Variants in PCDHGA1 observed in about 807,000 individuals in gnomAD.
PCDHGA1 encodes protocadherin gamma subfamily A, 1.
PCDHGA1 carries 32 observed loss-of-function variants against 58.0 expected under a neutral mutation model. That is an observed-to-expected ratio of 0.55 (90% CI 0.42 to 0.74). The LOEUF is 0.74. PCDHGA1 is among the 30% of genes least tolerant of loss of function. The pLI, the probability that PCDHGA1 is intolerant of heterozygous loss-of-function variation, is 0.00. For synonymous variants in PCDHGA1, 498 were observed against 501.1 expected, an observed-to-expected ratio of 0.99 and a Z score of 0.08; for missense variants, 1,205 against 1,182.3, an observed-to-expected ratio of 1.02 and a Z score of -0.28.
At chr5:141,393,569 T>C (rs1227543853) in intron 1 of PCDHGA1, 1 of 1,613,918 alleles carries the variant, frequency 6.2e-7, no homozygotes, top group South Asian at 1.1e-5. Context: ...TGAAAGTCCT[T>C]GAGAACATGC....
intron 1 of PCDHGA1, chr5:141,344,094 G>C (rs1253860852): frequency 6.2e-7 from 1 of 1,613,658 alleles, no homozygotes; most frequent in African/African-American, 1.3e-5. Flanking sequence ...CGCGCTCCTG[G>C]GGACGCTGTG....
chr5:141,345,891 G>A (rs949105791), intron 1 of PCDHGA1: 1 of 1,613,176 alleles, frequency 6.2e-7, no homozygotes, highest in Non-Finnish European at 8.5e-7. Flanking sequence ...CTTCTCGGTG[G>A]GTCTGCACAC....
intron 1 of PCDHGA1, chr5:141,405,312 A>G: frequency 1.2e-6 from 2 of 1,614,208 alleles, no homozygotes; most frequent in Non-Finnish European, 8.5e-7. Context: ...AGCTGTGAGA[A>G]AAATGAGCCT....
rs55729045 is a variant in PCDHGA1 at position 141,395,542 on chromosome 5, TTGTGTGTGTGTGTGTG to T, written c.2421+62471_2421+62486del. 64 of 172,628 alleles carry T rather than the reference TTGTGTGTGTGTGTGTG, an allele frequency of 3.7e-4. 1 individual carries two copies. Among genetic ancestry groups the T allele is most frequent in the South Asian group, 2.0e-3 (23 of 11,528 alleles). The allele number at this position is 172,628 out of a possible 1,614,324, so 10.7% of individuals were successfully genotyped here. A position where few individuals can be genotyped will look rare whatever the true frequency, so the allele number is the denominator to read the frequency against. ...TCCATACTGGTAATTTTGCTATTGT[TTGTGTGTGTGTGTGTG>T]TGTGTGTGTGTGTGTGTGTGTGTGT... On this transcript the variant is annotated intron_variant, in intron 1 of 3. Coordinates refer to ENST00000517417, the MANE Select transcript of PCDHGA1 (RefSeq NM_018912.3).
chr5:141,402,842 A>G, intron 1 of PCDHGA1: 1 of 1,396,816 alleles, frequency 7.2e-7, no homozygotes, highest in Non-Finnish European at 9.4e-7. Flanking sequence ...AGCAAAACTC[A>G]GCCTCTTTCT....
chr5:141,461,510 G>T (rs2099016853), intron 1 of PCDHGA1, among the ~76,000 whole-genome samples: 1 of 152,014 alleles, frequency 6.6e-6, no homozygotes, highest in Non-Finnish European at 1.5e-5. Context: ...TTGGTGATTT[G>T]TTAGTTCCTT....
intron 1 of PCDHGA1, among the ~76,000 whole-genome samples, chr5:141,433,399 CTA>C (rs1491097109): frequency 1.1e-4 from 17 of 150,894 alleles, no homozygotes; most frequent in African/African-American, 4.1e-4. Context: ...ATCTATCTAT[CTA>C]TCTATTACTT....
At position 141,486,004 on chromosome 5, in the gene PCDHGA1, C is replaced by T; in HGVS notation, c.2422-8803C>T. The T allele has an allele frequency of 6.2e-7, 1 of 1,614,184 alleles. No homozygotes were observed. The highest frequency in any genetic ancestry group is 8.5e-7 in the Non-Finnish European group (1 of 1,180,008). The stretch of plus-strand genomic sequence containing the variant: ...CGGACCTGGGTCCCAGTGGTAACGT[C>T]ACCTTTTATTTCAGTGGTCATACCC... On this transcript the variant is annotated intron_variant, in intron 1 of 3. Coordinates refer to ENST00000517417, the MANE Select transcript of PCDHGA1 (RefSeq NM_018912.3). This position sits in a 1 kb window ranked among gnomAD's most constrained non-coding sequence, Gnocchi z 5.0.
chr5:141,366,387 A>G, intron 1 of PCDHGA1: 1 of 1,614,088 alleles, frequency 6.2e-7, no homozygotes, highest in East Asian at 2.2e-5. Context: ...GACCCTGAGG[A>G]TCTGGACCTC....
chr5:141,460,766 A>G (rs1370331016), intron 1 of PCDHGA1, among the ~76,000 whole-genome samples: 1 of 152,056 alleles, frequency 6.6e-6, no homozygotes, highest in Non-Finnish European at 1.5e-5. Flanking sequence ...TACATATTGC[A>G]TATGTATGTA....
chr5:141,476,864 C>T lies in PCDHGA1; in HGVS notation c.2422-17943C>T, dbSNP rs1318457627. ...GCCTGTCTTCAACCAGTCCTTGTAC[C>T]GGGCGCGCGTCCTGGAGGATGCACC... is the stretch of plus-strand genomic sequence containing the variant. On this transcript the variant is annotated intron_variant, in intron 1 of 3. Coordinates refer to ENST00000517417, the MANE Select transcript of PCDHGA1 (RefSeq NM_018912.3). This position sits in a 1 kb window ranked among gnomAD's most constrained non-coding sequence, Gnocchi z 7.6. 4.3e-6 allele frequency: 7 copies of T among 1,613,838 alleles called. No homozygotes were observed. Among genetic ancestry groups the T allele is most frequent in the Non-Finnish European group, 5.9e-6 (7 of 1,180,044 alleles).
At chr5:141,374,754 G>C (rs1770811216) in intron 1 of PCDHGA1, 6 of 1,612,936 alleles carry the variant, frequency 3.7e-6, no homozygotes, top group Non-Finnish European at 4.2e-6. Context: ...GTCCGCTCAA[G>C]CGTCGCCCAA....
chr5:141,402,882 G>C, intron 1 of PCDHGA1: 2 of 1,479,680 alleles, frequency 1.4e-6, no homozygotes, highest in East Asian at 4.8e-5. Context: ...TACTTTGCAG[G>C]GTGGAAGAAA....
chr5:141,345,777 G>A lies in PCDHGA1; in HGVS notation c.2421+12672G>A. 1.2e-6 allele frequency: 2 copies of A among 1,614,122 alleles called. No individual in the cohort carries two copies. Among genetic ancestry groups the A allele is most frequent in the East Asian group, 2.2e-5 (1 of 44,862 alleles). On this transcript the variant is annotated intron_variant, in intron 1 of 3. Transcript: ENST00000517417. ...TGGCGTGGAGCTGGCGCCTCGCTCCGCAGAGCCCGGCTACCTGGTGACCAA... is the reference window on the plus strand; with the variant it reads ...TGGCGTGGAGCTGGCGCCTCGCTCCACAGAGCCCGGCTACCTGGTGACCAA...
At chr5:141,414,821 A>G (rs1321959107) in intron 1 of PCDHGA1, 1 of 1,614,226 alleles carries the variant, frequency 6.2e-7, no homozygotes, top group South Asian at 1.1e-5. Flanking sequence ...CTCAGCAGCA[A>G]CGTGTCGTTG....
intron 1 of PCDHGA1, among the ~76,000 whole-genome samples, chr5:141,349,567 G>C (rs990181997): frequency 6.6e-6 from 1 of 151,960 alleles, no homozygotes; most frequent in African/African-American, 2.4e-5. Flanking sequence ...TAATAGTAAG[G>C]CTGTGATTTC....
intron 1 of PCDHGA1, chr5:141,385,172 C>A (rs1013319688): frequency 1.2e-6 from 2 of 1,614,210 alleles, no homozygotes; most frequent in Non-Finnish European, 8.5e-7. Context: ...CATGAGGTCT[C>A]CCTCACCGCG....
At chr5:141,423,749 T>TTG (rs1249843775) in intron 1 of PCDHGA1, 127 of 272,264 alleles carry the variant, frequency 4.7e-4, no homozygotes, top group South Asian at 6.4e-4. Context: ...TGAAAACTGT[T>TTG]TGGGGGGGGG....
Position 141,344,263 on chromosome 5 carries a change from T to C in PCDHGA1, c.2421+11158T>C, listed in dbSNP as rs370212057. 4 of 1,613,948 alleles carry C rather than the reference T, an allele frequency of 2.5e-6. No homozygotes were observed. The African/African-American group carries it at 5.3e-5, about 22-fold the overall frequency. ...AGAGGTAGGACGCAGCTTTTCTCTC[T>C]GAATCCGCAAAGCGGCAGCTTGGTC... On this transcript the variant is annotated intron_variant, in intron 1 of 3. Coordinates refer to ENST00000517417, the MANE Select transcript of PCDHGA1 (RefSeq NM_018912.3).
Sources: gnomAD v4.1 joint callset for allele counts (sites outside exome capture counted in the v4.1 genomes callset) on GRCh38, gnomAD v4.1.1 for gene constraint, Gnocchi (gnomAD v3.1) non-coding constraint, MANE v1.5 for transcripts, NCBI Gene and HGNC (gene_info 2026-07-23, HGNC 2026-07-21) for gene names.